The following MTHFS variants were observed in gnomAD, a reference collection of about 807,000 sequenced individuals.
The protein encoded by MTHFS is methenyltetrahydrofolate synthetase.
Under a neutral mutation model 12.7 loss-of-function variants are expected in MTHFS, and 7 were observed. The ratio of observed to expected loss-of-function variants is 0.55; its 90% CI spans 0.31 to 1.03. MTHFS has a LOEUF of 1.03. MTHFS is among the 50% of genes least tolerant of loss of function. The pLI, the probability that MTHFS is intolerant of heterozygous loss-of-function variation, is 0.05. For synonymous variants in MTHFS, 100 were observed against 97.1 expected (o/e 1.03, Z -0.18); for missense variants, 252 against 258.1 (o/e 0.98, Z 0.16).
At chr15:79,860,102 C>T (rs1227312359) in intron 2 of MTHFS, among the ~76,000 whole-genome samples, 1 of 151,948 alleles carries the variant, frequency 6.6e-6, no homozygotes. Context: ...AAAATGAATA[C>T]AAATTGGCCA....
At chr15:79,856,813 T>A (rs936881392) in intron 2 of MTHFS, among the ~76,000 whole-genome samples, 1 of 152,094 alleles carries the variant, frequency 6.6e-6, no homozygotes, top group African/African-American at 2.4e-5. Context: ...ATTAGGCATT[T>A]AGGGAAGAGT....
intron 2 of MTHFS, among the ~76,000 whole-genome samples, chr15:79,850,331 CA>C (rs1215433850): frequency 6.6e-6 from 1 of 151,686 alleles, no homozygotes; most frequent in Non-Finnish European, 1.5e-5. Flanking sequence ...TCAGCAGAGC[CA>C]AAAAAAGAGG....
intron 2 of MTHFS, among the ~76,000 whole-genome samples, chr15:79,866,309 T>C (rs924362163): frequency 1.3e-5 from 2 of 152,202 alleles, no homozygotes; most frequent in Non-Finnish European, 2.9e-5. Context: ...TTCCAAATAT[T>C]TACCTGTACA....
chr15:79,846,675 C>A (rs2033621305), intron 2 of MTHFS, among the ~76,000 whole-genome samples: 1 of 152,228 alleles, frequency 6.6e-6, no homozygotes, highest in Non-Finnish European at 1.5e-5. Context: ...CTTGTCTATT[C>A]CAATCCCAAC....
At chr15:79,886,905 A>G (rs1159548192) in intron 2 of MTHFS, among the ~76,000 whole-genome samples, 2 of 152,226 alleles carry the variant, frequency 1.3e-5, no homozygotes, top group African/African-American at 4.8e-5. Context: ...TTAATAAATT[A>G]CCATTTATTC....
chr15:79,873,307 G>A (rs1443858394), intron 2 of MTHFS, among the ~76,000 whole-genome samples: 1 of 152,004 alleles, frequency 6.6e-6, no homozygotes, highest in Non-Finnish European at 1.5e-5. Context: ...CCTTTTTTCT[G>A]ATCTATAAAA....
intron 2 of MTHFS, among the ~76,000 whole-genome samples, chr15:79,847,539 C>T (rs984067577): frequency 1.3e-5 from 2 of 151,820 alleles, no homozygotes; most frequent in African/African-American, 4.8e-5. Flanking sequence ...AAAATATTAG[C>T]CAGGCATGGT....
chr15:79,849,703 C>T (rs2141340639), intron 2 of MTHFS, among the ~76,000 whole-genome samples: 1 of 152,374 alleles, frequency 6.6e-6, no homozygotes, highest in East Asian at 1.9e-4. Flanking sequence ...GTGCAAGAGC[C>T]AACCTGCTCT....
chr15:79,879,533 A>G (rs181322015), intron 2 of MTHFS, among the ~76,000 whole-genome samples: 11 of 151,688 alleles, frequency 7.3e-5, no homozygotes, highest in African/African-American at 2.2e-4. Flanking sequence ...TTTATCTTCT[A>G]TATGCTACCT....
intron 1 of MTHFS, among the ~76,000 whole-genome samples, chr15:79,892,618 T>G (rs2034492915): frequency 6.6e-6 from 1 of 152,186 alleles, no homozygotes; most frequent in South Asian, 2.1e-4. Context: ...TTCTTACATA[T>G]TCAATCATAC....
At chr15:79,867,430 A>G (rs2034031908) in intron 2 of MTHFS, among the ~76,000 whole-genome samples, 2 of 151,936 alleles carry the variant, frequency 1.3e-5, no homozygotes, top group South Asian at 4.2e-4. Flanking sequence ...TATGTATATT[A>G]CCATATGTCA....
intron 2 of MTHFS, among the ~76,000 whole-genome samples, chr15:79,853,763 G>T (rs1363503406): frequency 6.6e-6 from 1 of 152,218 alleles, no homozygotes; most frequent in African/African-American, 2.4e-5. Flanking sequence ...CAGGAGCCGT[G>T]ATGGCTCACT....
At chr15:79,865,417 A>G (rs1400524618) in intron 2 of MTHFS, among the ~76,000 whole-genome samples, 1 of 152,246 alleles carries the variant, frequency 6.6e-6, no homozygotes, top group African/African-American at 2.4e-5. Context: ...ATAATTTAGG[A>G]AAAAGGGAAT....
rs147358169 is a variant in MTHFS at position 79,874,752 on chromosome 15, G to A, written c.379+14341C>T. ...CAGGGAATCTAGAAGGCTATCTCAG[G>A]GCTGTTCCTTGCTGAAAAAAAGAAT... On this transcript the variant is annotated intron_variant, in intron 2 of 2. Coordinates refer to ENST00000258874, the MANE Select transcript of MTHFS (RefSeq NM_006441.4). Among the ~76,000 whole-genome samples, 261 of 152,168 alleles carry A rather than the reference G, an allele frequency of 1.7e-3. 2 individuals carry two copies. Among genetic ancestry groups the A allele is most frequent in the African/African-American group, 5.9e-3 (246 of 41,498 alleles).
upstream of MTHFS, chr15:79,897,277 A>C: frequency 2.2e-6 from 1 of 447,908 alleles, no homozygotes; most frequent in Admixed American, 4.4e-5. Flanking sequence ...GACCTCCCTG[A>C]GCCTGGGCCC....
intron 2 of MTHFS, among the ~76,000 whole-genome samples, chr15:79,888,083 G>A (rs1254749017): frequency 1.3e-5 from 2 of 152,124 alleles, no homozygotes; most frequent in Non-Finnish European, 2.9e-5. Context: ...TCTAAGATGG[G>A]TTTCAGGCAT....
At position 79,865,749 on chromosome 15, in the gene MTHFS, G is replaced by C. The variant is rs559070243; in HGVS notation, c.380-20307C>G. 6.2e-4 allele frequency among the ~76,000 whole-genome samples: 95 copies of C among 152,244 alleles called. 1 individual carries two copies. The highest frequency in any genetic ancestry group is 2.5e-3 in the Admixed American group (38 of 15,294). On this transcript the variant is annotated intron_variant, in intron 2 of 2. Coordinates refer to ENST00000258874, the MANE Select transcript of MTHFS (RefSeq NM_006441.4). ...GATCTTCTGCCCCTGCAAATACTGG[G>C]CTATGCTGACAAAAACCAACCATGG...
At chr15:79,873,144 C>T (rs1017658568) in intron 2 of MTHFS, among the ~76,000 whole-genome samples, 3 of 152,158 alleles carry the variant, frequency 2.0e-5, no homozygotes, top group African/African-American at 7.2e-5. Context: ...CTATCTCAAT[C>T]CCATTGTGAC....
At chr15:79,845,505 G>T in intron 2 of MTHFS, 63 bp from the exon 3 acceptor site, 1 of 1,554,870 alleles carries the variant, frequency 6.4e-7, no homozygotes, top group Non-Finnish European at 8.7e-7. Context: ...TTCAGGATGT[G>T]TTTTTTGTTT....
Sources: gnomAD v4.1 joint callset for allele counts (sites outside exome capture counted in the v4.1 genomes callset) on GRCh38, gnomAD v4.1.1 for gene constraint, MANE v1.5 for transcripts, NCBI Gene and HGNC (gene_info 2026-07-23, HGNC 2026-07-21) for gene names.